Variants in HIRIP3 observed in about 807,000 individuals in gnomAD.
The protein encoded by HIRIP3 is HIRA-interacting protein 3.
HIRIP3 carries 40 observed loss-of-function variants against 50.3 expected under a neutral mutation model. The observed-to-expected ratio is 0.79, with a 90% CI of 0.62 to 1.03. HIRIP3 has a LOEUF of 1.03. HIRIP3 is among the 50% of genes least tolerant of loss of function. HIRIP3 has a pLI of 0.00. For synonymous variants in HIRIP3, 318 were observed against 261.6 expected (o/e 1.22, Z -2.08); for missense variants, 765 against 705.4 (o/e 1.08, Z -0.96).
Position 29,994,567 on chromosome 16 carries a change from C to T in HIRIP3, c.578G>A (p.Arg193Lys). 6.2e-7 allele frequency: 1 copy of T among 1,614,172 alleles called. No homozygotes were observed. Among genetic ancestry groups the T allele is most frequent in the Non-Finnish European group, 8.5e-7 (1 of 1,180,028 alleles). Residue 193 changes from arginine to lysine, a missense_variant, in exon 4 of 7, where the codon AGG (arginine) becomes AAG (lysine). Arg to Lys is a conservative substitution (Grantham distance 26, BLOSUM62 2). Coordinates refer to ENST00000279392, the MANE Select transcript of HIRIP3 (RefSeq NM_003609.5). Reference sequence around the variant, plus strand: ...TGCCTCGCTCTCCTCACTTTCTTCCCTGGCCTGCTTCCTACTGACTGAGGC... The same window carrying T: ...TGCCTCGCTCTCCTCACTTTCTTCCTTGGCCTGCTTCCTACTGACTGAGGC... ...GKASVSRKQAREESEESEAEP... is the reference protein window; with the variant it reads ...GKASVSRKQAKEESEESEAEP...
rs752275269 is a variant in HIRIP3, at chr16:29,993,626, ACGCCGGGC to A, written c.1408+6_1408+13del. The A allele has an allele frequency of 6.2e-7, 1 of 1,612,164 alleles. No individual in the cohort carries two copies. On this transcript the variant is annotated splice_donor_region_variant and intron_variant, in intron 5 of 6. Transcript: ENST00000279392. ...GGCCCTCTCCTGCAGCCCCCAGGGC[ACGCCGGGC>A]CTCACCCTTCATGCCTAGCGCTTCC...
rs776988811 is a variant in HIRIP3, at chr16:29,995,189, T to C, written c.215A>G (p.Lys72Arg). Residue 72 changes from lysine (K) to arginine (R), a missense_variant, in exon 3 of 7, where the codon AAA (lysine) becomes AGA (arginine). Coordinates refer to ENST00000279392, the MANE Select transcript of HIRIP3 (RefSeq NM_003609.5). ...QVDEAASREDKLDLTKKGKRP... is the reference protein window; with the variant it reads ...QVDEAASREDRLDLTKKGKRP... The stretch of plus-strand genomic sequence containing the variant: ...CTTGCCCTTCTTGGTAAGGTCCAGT[T>C]TGTCTTCCCTGGAAGCGGCTTCATC... The C allele has an allele frequency of 6.8e-6, 11 of 1,614,082 alleles. No individual in the cohort carries two copies. In the South Asian group the frequency reaches 8.8e-5, roughly 13 times the overall value.
At position 29,995,146 on chromosome 16, in the gene HIRIP3, A is replaced by G; in HGVS notation, c.258T>C (p.Cys86=). 6.2e-7 allele frequency: 1 copy of G among 1,614,218 alleles called. No homozygotes were observed. Residue 86 remains cysteine, a synonymous_variant, in exon 3 of 7, where the codon TGT becomes TGC. Transcript: ENST00000279392. ...GGAACCTTTTTCTCTCCGGGTCGCTACAAGGGGTGGGAGGCCTCTTGCCCT... is the reference window on the plus strand; with the variant it reads ...GGAACCTTTTTCTCTCCGGGTCGCTGCAAGGGGTGGGAGGCCTCTTGCCCT... The part of the protein sequence containing the change: ...TKKGKRPPTP[C]SDPERKRFRF...
In HIRIP3 at chr16:29,994,238, C is replaced by G. The variant is rs2070033506; in HGVS notation, c.907G>C (p.Asp303His). The change falls in exon 4 of 7, where the codon GAT becomes CAT. Residue 303 changes from aspartate (D) to histidine (H), a missense_variant. By Grantham distance (81) the Asp-to-His change is moderately conservative (BLOSUM62 -1). Coordinates refer to ENST00000279392, the MANE Select transcript of HIRIP3 (RefSeq NM_003609.5). The part of the protein sequence containing the change: ...EEQKEAASSG[D>H]DSGRDREPPV... ...GGTTCTCTATCTCTCCCACTGTCAT[C>G]CCCACTGCTGGCTGCCTCTTTCTGC... The G allele has an allele frequency of 1.2e-6, 2 of 1,614,152 alleles. No homozygotes were observed. The highest frequency in any genetic ancestry group is 1.7e-5 in the Admixed American group (1 of 60,026).
At chr16:29,995,754 C>A, upstream of HIRIP3, 1 of 921,046 alleles carries the variant, frequency 1.1e-6, no homozygotes, top group South Asian at 1.6e-5. Context: ...GGGCCGAGAA[C>A]TTTGCCAGAC....
chr16:29,994,003 TC>T lies in HIRIP3; in HGVS notation c.1141del (p.Glu381ArgfsTer46). ...DSEAGGGPQG[E>X]RKNRSSKKSS... Reference sequence around the variant, plus strand: ...CTTCTTGGAAGAGCGGTTCTTCCTCTCCCCCTGGGGGCCTCCCCCTGCCTCG... The same window carrying T: ...CTTCTTGGAAGAGCGGTTCTTCCTCTCCCCTGGGGGCCTCCCCCTGCCTCG... On this transcript the variant is annotated frameshift_variant, in exon 4 of 7. Transcript: ENST00000279392. LOFTEE classifies it high-confidence loss of function. The T allele has an allele frequency of 1.3e-6, 2 of 1,590,034 alleles. No individual in the cohort carries two copies. Among genetic ancestry groups the T allele is most frequent in the South Asian group, 1.1e-5 (1 of 87,452 alleles).
At chr16:29,995,313 TC>T (rs1356034503) in intron 2 of HIRIP3, 29 bp downstream of exon 2, 1 of 1,609,022 alleles carries the variant, frequency 6.2e-7, no homozygotes, top group Non-Finnish European at 8.5e-7. Context: ...CGCCTCCGCC[TC>T]CCGCGGCCCA....
chr16:29,993,575 G>A lies in HIRIP3; in HGVS notation c.1409-18C>T, dbSNP rs758814365. The A allele has an allele frequency of 3.7e-6, 6 of 1,612,558 alleles. No individual in the cohort carries two copies. The highest frequency in any genetic ancestry group is 1.7e-5 in the Admixed American group (1 of 59,972). ...AGGGGTACCTGGGGCAGAAGAAGCT[G>A]GTGATTCTCTCCTCCCCAGCAGGAA... On this transcript the variant is annotated intron_variant, in intron 5 of 6. Coordinates refer to ENST00000279392, the MANE Select transcript of HIRIP3 (RefSeq NM_003609.5).
At position 29,994,111 on chromosome 16, in the gene HIRIP3, GTGGGT is replaced by G; in HGVS notation, c.1029_1033del (p.Glu343AspfsTer3). ...GGCCATCTTTCTAGAGCCTTTAGCT[GTGGGT>G]TCCCCCTTCCCACTGTCTTCCTCGT... On this transcript the variant is annotated frameshift_variant, in exon 4 of 7. Transcript: ENST00000279392. LOFTEE classifies it high-confidence loss of function. 2 of 1,613,988 alleles carry G rather than the reference GTGGGT, an allele frequency of 1.2e-6. No homozygotes were observed. Among genetic ancestry groups the G allele is most frequent in the Non-Finnish European group, 1.7e-6 (2 of 1,179,988 alleles).
chr16:29,994,392 A>G lies in HIRIP3; in HGVS notation c.753T>C (p.Asp251=), dbSNP rs751021230. 3 of 1,608,978 alleles carry G rather than the reference A, an allele frequency of 1.9e-6. No homozygotes were observed. Among genetic ancestry groups the G allele is most frequent in the African/African-American group, 1.4e-5 (1 of 73,234 alleles). The change falls in exon 4 of 7, where the codon GAT becomes GAC. Residue 251 remains aspartate, a synonymous_variant. Transcript: ENST00000279392. ...TGGGTTTCCAATCCCCCTTTTCCTC[A>G]TCCTCTTCTTTCTCTTCCTCCTCCA... ...EEVEEEEKEE[D]EEKGDWKPRT... is the part of the protein sequence containing the mutation.
chr16:29,993,558 C>A lies in HIRIP3; in HGVS notation c.1409-1G>T. 1 of 1,613,330 alleles carries A rather than the reference C, an allele frequency of 6.2e-7. No homozygotes were observed. Among genetic ancestry groups the A allele is most frequent in the Non-Finnish European group, 8.5e-7 (1 of 1,179,508 alleles). On this transcript the variant is annotated splice_acceptor_variant, in intron 5 of 6. Coordinates refer to ENST00000279392, the MANE Select transcript of HIRIP3 (RefSeq NM_003609.5). LOFTEE classifies it high-confidence loss of function. Reference sequence around the variant, plus strand: ...CGACACTTCCCTAGGGAAGGGGTACCTGGGGCAGAAGAAGCTGGTGATTCT... The same window carrying A: ...CGACACTTCCCTAGGGAAGGGGTACATGGGGCAGAAGAAGCTGGTGATTCT...
intron 3 of HIRIP3, 119 bp downstream of exon 3, chr16:29,994,984 C>A (rs2070055063): frequency 1.4e-6 from 2 of 1,475,538 alleles, no homozygotes; most frequent in African/African-American, 2.8e-5. Flanking sequence ...GTTCCCGGTT[C>A]CTGACTCACT....
At position 29,993,497 on chromosome 16, in the gene HIRIP3, A is replaced by G; in HGVS notation, c.1469T>C (p.Val490Ala). The G allele has an allele frequency of 6.2e-7, 1 of 1,613,786 alleles. No homozygotes were observed. Among genetic ancestry groups the G allele is most frequent in the Non-Finnish European group, 8.5e-7 (1 of 1,179,774 alleles). The change falls in exon 6 of 7, where the codon GTG (valine) becomes GCG (alanine). Residue 490 changes from valine (V) to alanine (A), a missense_variant. Physicochemically the swap from Val to Ala is moderately conservative, Grantham distance 64. Transcript: ENST00000279392. ...GATGTTCGCAACATCCAAGGAGGCC[A>G]CCTCAGCTGCCTCCTCCCTCTGCTC... ...LKEQREEAAE[V>A]ASLDVANIIS...
rs1303309850 is a variant in HIRIP3, at chr16:29,994,859, G to A, written c.302-16C>T. On this transcript the variant is annotated splice_polypyrimidine_tract_variant and intron_variant, in intron 3 of 6. Transcript: ENST00000279392. Reference sequence around the variant, plus strand: ...GAGCCGGACTCTGGAATATGGAGAGGAGAGAGGGTTGAGACAGGCTCCTCC... The same window carrying A: ...GAGCCGGACTCTGGAATATGGAGAGAAGAGAGGGTTGAGACAGGCTCCTCC... 2.5e-6 allele frequency: 4 copies of A among 1,585,618 alleles called. No individual in the cohort carries two copies. The highest frequency in any genetic ancestry group is 1.2e-5 in the South Asian group (1 of 86,602).
chr16:29,993,943 G>A lies in HIRIP3; in HGVS notation c.1202C>T (p.Ser401Phe). The A allele has an allele frequency of 6.4e-7, 1 of 1,560,928 alleles. No individual in the cohort carries two copies. Among genetic ancestry groups the A allele is most frequent in the Non-Finnish European group, 8.7e-7 (1 of 1,153,552 alleles). ...SRKGRTRSSS[S>F]SSDGSPEAKG... Reference sequence around the variant, plus strand: ...GGCCTCTGGACTTCCATCTGAGGAGGAAGAGGAGCTTCGTGTCCTGCCTTT... The same window carrying A: ...GGCCTCTGGACTTCCATCTGAGGAGAAAGAGGAGCTTCGTGTCCTGCCTTT... Residue 401 changes from serine (S) to phenylalanine (F), a missense_variant, in exon 4 of 7, where the codon TCC becomes TTC. Ser to Phe is a radical substitution (Grantham distance 155). Coordinates refer to ENST00000279392, the MANE Select transcript of HIRIP3 (RefSeq NM_003609.5).
rs765414116 is a variant in HIRIP3 at position 29,995,151 on chromosome 16, G to A, written c.253C>T (p.Pro85Ser). The change falls in exon 3 of 7, where the codon CCT becomes TCT. Residue 85 changes from proline (P) to serine (S), a missense_variant. By Grantham distance (74) the Pro-to-Ser change is moderately conservative (BLOSUM62 -1). Transcript: ENST00000279392. ...CTTTTTCTCTCCGGGTCGCTACAAG[G>A]GGTGGGAGGCCTCTTGCCCTTCTTG... is the stretch of plus-strand genomic sequence containing the variant. ...LTKKGKRPPT[P>S]CSDPERKRFR... 9 of 1,614,112 alleles carry A rather than the reference G, an allele frequency of 5.6e-6. No homozygotes were observed. The highest frequency in any genetic ancestry group is 2.2e-5 in the South Asian group (2 of 91,090).
chr16:29,995,705 T>G (rs887378987), upstream of HIRIP3: 108 of 1,458,716 alleles, frequency 7.4e-5, no homozygotes, highest in Non-Finnish European at 1.0e-4. Flanking sequence ...TGCGGCAACG[T>G]GGGGCGAGGG....
Position 29,993,715 on chromosome 16 carries a change from G to A in HIRIP3, c.1333C>T (p.Leu445=). ...ACGAHRNYKK[L]LGSCCSHKER... is the part of the protein sequence containing the mutation. ...TTGTGTGAGCAACAGGAGCCCAACA[G>A]CTTCTTGTAGTTTCGATGGGCACCA... is the stretch of plus-strand genomic sequence containing the variant. Residue 445 remains leucine (L), a synonymous_variant, in exon 5 of 7, where the codon CTG becomes TTG. Transcript: ENST00000279392. 6.2e-7 allele frequency: 1 copy of A among 1,609,612 alleles called. No individual in the cohort carries two copies. Among genetic ancestry groups the A allele is most frequent in the Non-Finnish European group, 8.5e-7 (1 of 1,179,990 alleles).
Position 29,994,090 on chromosome 16 carries a change from A to C in HIRIP3, c.1055T>G (p.Met352Arg). Residue 352 changes from methionine to arginine, a missense_variant, in exon 4 of 7, where the codon ATG becomes AGG. By Grantham distance (91) the Met-to-Arg change is moderately conservative. Transcript: ENST00000279392. ...ACCACTGGTGCTGCCCAGTCTGGCC[A>C]TCTTTCTAGAGCCTTTAGCTGTGGG... Reference protein sequence around the residue: ...GEPTAKGSRKMARLGSTSGEE... With the variant: ...GEPTAKGSRKRARLGSTSGEE... The C allele has an allele frequency of 1.2e-6, 2 of 1,613,504 alleles. No homozygotes were observed. Among genetic ancestry groups the C allele is most frequent in the Non-Finnish European group, 1.7e-6 (2 of 1,179,770 alleles).
Sources: allele counts gnomAD v4.1 joint callset, GRCh38; gene constraint gnomAD v4.1.1; transcripts MANE v1.5; gene names NCBI Gene and HGNC (gene_info 2026-07-23, HGNC 2026-07-21).